BCAR1: variants seen among roughly 807,000 people sequenced by gnomAD.
The protein encoded by BCAR1 is BCAR1 scaffold protein, Cas family member, also known as breast cancer anti-estrogen resistance protein 1.
In BCAR1, 30 loss-of-function variants were observed where a neutral mutation model predicts 67.6. That is an observed-to-expected ratio of 0.44 (90% CI 0.33 to 0.60). The LOEUF (loss-of-function observed/expected upper bound fraction) is 0.60, where lower values mean the gene tolerates loss of function less well. BCAR1 is among the 20% of genes least tolerant of loss of function. BCAR1 has a pLI of 0.02. For missense variants in BCAR1, 1,313 were observed against 1,222.3 expected (o/e 1.07, Z -1.11); for synonymous variants, 626 against 556.7 (o/e 1.12, Z -1.75).
At chr16:75,249,253 G>C (rs1258302211) in intron 1 of BCAR1, 1 of 152,282 alleles carries the variant, frequency 6.6e-6, no homozygotes, top group Non-Finnish European at 1.5e-5. Flanking sequence ...GACAGCACCA[G>C]GCCCAGAATA....
At chr16:75,255,621 G>A (rs182280654), upstream of BCAR1, among the ~76,000 whole-genome samples, 30 of 152,206 alleles carry the variant, frequency 2.0e-4, no homozygotes, top group East Asian at 5.8e-3. Flanking sequence ...GCTTGAACCA[G>A]GAGGTGAAGC....
In BCAR1 at chr16:75,239,034, T is replaced by TC. The variant is rs2077242305; in HGVS notation, c.634-1691dup. The TC allele has an allele frequency of 4.1e-6, 4 of 985,082 alleles. No homozygotes were observed. In the South Asian group the frequency reaches 1.4e-4, roughly 35 times the overall value. The allele number at this position is 985,082 out of a possible 1,614,324, so 61.0% of individuals were successfully genotyped here. A position where few individuals can be genotyped will look rare whatever the true frequency, so the allele number is the denominator to read the frequency against. On this transcript the variant is annotated intron_variant, in intron 2 of 6. Transcript: ENST00000162330. ...GGGTGCAGCTGGACCCAGGCCTGCC[T>TC]CCCCAGGCAAATGGCCGCCTGCCAC...
chr16:75,267,403 G>A (rs573957802), intron 1 of BCAR1, among the ~76,000 whole-genome samples: 1 of 143,576 alleles, frequency 7.0e-6, no homozygotes, highest in African/African-American at 2.8e-5. Context: ...CCGGGGGGGG[G>A]GTGGGGGGCC....
At chr16:75,237,501 C>A (rs1011419910) in intron 2 of BCAR1, 157 bp from the exon 3 acceptor site, 24 of 866,812 alleles carry the variant, frequency 2.8e-5, no homozygotes, top group Non-Finnish European at 3.7e-5. Flanking sequence ...CCCCTCTGCA[C>A]CATCTGACCT....
intron 1 of BCAR1, chr16:75,249,318 C>T (rs2151457353): frequency 6.6e-6 from 1 of 152,388 alleles, no homozygotes; most frequent in African/African-American, 2.4e-5. Flanking sequence ...TAGACCCACC[C>T]CTCCACCCTA....
Position 75,238,856 on chromosome 16 carries a change from C to G in BCAR1, c.634-1512G>C, listed in dbSNP as rs906796944. 3 of 985,280 alleles carry G rather than the reference C, an allele frequency of 3.0e-6. No individual in the cohort carries two copies. In the African/African-American group the frequency reaches 5.2e-5, roughly 17 times the overall value. The allele number at this position is 985,280 out of a possible 1,614,324, so 61.0% of individuals were successfully genotyped here. On this transcript the variant is annotated intron_variant, in intron 2 of 6. Transcript: ENST00000162330. ...GGCAGGTTGGCTGGGCCTCGAGGCA[C>G]GGCCTGAGGCTTCTCCAGGCCTCCC...
intron 1 of BCAR1, chr16:75,243,346 C>T: frequency 3.1e-6 from 2 of 636,708 alleles, no homozygotes; most frequent in Non-Finnish European, 5.7e-6. Flanking sequence ...CTGTCACCAC[C>T]AAAACTCCAG....
At chr16:75,259,676 C>T (rs1051465202) in intron 1 of BCAR1, among the ~76,000 whole-genome samples, 3 of 151,632 alleles carry the variant, frequency 2.0e-5, no homozygotes, top group Admixed American at 2.0e-4. Context: ...CACGGTGAAA[C>T]CCCATCTCTA....
At chr16:75,251,166 A>C (rs928919922) in intron 1 of BCAR1, among the ~76,000 whole-genome samples, 2 of 152,030 alleles carry the variant, frequency 1.3e-5, no homozygotes, top group African/African-American at 4.8e-5. Flanking sequence ...GTGACACAGC[A>C]GGCGGCCGTC....
Position 75,229,889 on chromosome 16 carries a change from G to A in BCAR1, c.2235C>T (p.Leu745=), listed in dbSNP as rs988985581. The change falls in exon 7 of 7, where the codon CTC becomes CTT. Residue 745 remains leucine, a synonymous_variant. Coordinates refer to ENST00000162330, the MANE Select transcript of BCAR1 (RefSeq NM_014567.5). ...TGGCCTCACACTGCTCCAGGTAGAA[G>A]AGCAGCAGCTGCCGGTCCGAGGGCC... The part of the protein sequence containing the change: ...GLGPSDRQLL[L]FYLEQCEANL... The A allele has an allele frequency of 1.0e-4, 165 of 1,610,558 alleles. No homozygotes were observed. Among genetic ancestry groups the A allele is most frequent in the Non-Finnish European group, 1.4e-4 (162 of 1,177,930 alleles).
upstream of BCAR1, chr16:75,251,759 A>AGCCC (rs1415226555): frequency 1.9e-5 from 16 of 853,938 alleles, no homozygotes; most frequent in Non-Finnish European, 2.3e-5. Context: ...CGCAGACAGA[A>AGCCC]GCCCGCCCAG....
chr16:75,232,502 G>A (rs1335379858), intron 6 of BCAR1, among the ~76,000 whole-genome samples: 1 of 151,930 alleles, frequency 6.6e-6, no homozygotes, highest in Non-Finnish European at 1.5e-5. Context: ...TCACTACGTG[G>A]CCTGGCTGGT....
chr16:75,259,952 G>C (rs1401896518), intron 1 of BCAR1, among the ~76,000 whole-genome samples: 1 of 151,980 alleles, frequency 6.6e-6, no homozygotes, highest in Non-Finnish European at 1.5e-5. Flanking sequence ...CTGGCACTTT[G>C]GGAGGCCAAG....
intron 6 of BCAR1, among the ~76,000 whole-genome samples, chr16:75,230,683 G>A (rs189244704): frequency 7.9e-5 from 12 of 152,256 alleles, no homozygotes; most frequent in African/African-American, 2.4e-4. Context: ...CTCCGGAAGT[G>A]ACCAGCCACA....
chr16:75,231,070 G>A (rs998294667), intron 6 of BCAR1, among the ~76,000 whole-genome samples: 96 of 151,158 alleles, frequency 6.4e-4, no homozygotes, highest in African/African-American at 2.2e-3. Flanking sequence ...TTATAAAGAA[G>A]GAGTCTTGAT....
At chr16:75,262,271 A>G in intron 1 of BCAR1, among the ~76,000 whole-genome samples, 1 of 152,226 alleles carries the variant, frequency 6.6e-6, no homozygotes, top group East Asian at 1.9e-4. Context: ...CATACTCAGC[A>G]GGCGGCCAGG....
intron 4 of BCAR1, chr16:75,236,569 C>A: frequency 2.2e-6 from 1 of 457,810 alleles, no homozygotes; most frequent in Non-Finnish European, 3.8e-6. Flanking sequence ...GATGCCCCCA[C>A]ATAATTACTA....
intron 1 of BCAR1, among the ~76,000 whole-genome samples, chr16:75,263,044 C>T (rs1028631754): frequency 1.3e-5 from 2 of 152,042 alleles, no homozygotes; most frequent in Non-Finnish European, 2.9e-5. Context: ...GGCCAGGTGA[C>T]CCTGGCAAGA....
chr16:75,256,460 G>C (rs970260733), upstream of BCAR1, among the ~76,000 whole-genome samples: 4 of 152,026 alleles, frequency 2.6e-5, no homozygotes, highest in African/African-American at 4.8e-5. Context: ...CCGGGGGCAG[G>C]GGCAGTATCC....
Sources: allele counts gnomAD v4.1 joint callset (sites outside exome capture counted in the v4.1 genomes callset), GRCh38; gene constraint gnomAD v4.1.1; transcripts MANE v1.5; gene names NCBI Gene and HGNC (gene_info 2026-07-23, HGNC 2026-07-21).